The following UNKL variants were observed in gnomAD, a reference collection of about 807,000 sequenced individuals.
UNKL encodes putative E3 ubiquitin-protein ligase UNKL.
UNKL carries 60 observed loss-of-function variants against 78.0 expected under a neutral mutation model. The ratio of observed to expected loss-of-function variants is 0.77; its 90% CI spans 0.63 to 0.95. UNKL has a LOEUF of 0.95. UNKL is among the 40% of genes least tolerant of loss of function. UNKL has a pLI of 0.00. For synonymous variants in UNKL, 608 were observed against 474.8 expected, an observed-to-expected ratio of 1.28 and a Z score of -3.65; for missense variants, 1,159 against 1,045.7, an observed-to-expected ratio of 1.11 and a Z score of -1.49.
chr16:1,398,845 G>C (rs1364186015), intron 5 of UNKL: 4 of 1,567,412 alleles, frequency 2.6e-6, no homozygotes, highest in Non-Finnish European at 3.5e-6. Context: ...CTGGGGCTCA[G>C]GCGGTGGAGG....
rs11319434 is a variant in UNKL at position 1,364,667 on chromosome 16, TG to T, written c.*1572del. The T allele has an allele frequency of 0.92, 140,474 of 152,004 alleles. 65,019 individuals carry two copies. The highest frequency in any genetic ancestry group is 1 in the East Asian group (5,163 of 5,168). The allele number at this position is 152,004 out of a possible 1,614,324, so 9.4% of individuals were successfully genotyped here. A position where few individuals can be genotyped will look rare whatever the true frequency, so the allele number is the denominator to read the frequency against. ...AGGGGACCACAGCAGAGCCGGGACC[TG>T]GGGGGGGTCGCTTCCCCCGTGTGCT... is the stretch of plus-strand genomic sequence containing the variant. On this transcript the variant is annotated 3_prime_UTR_variant, in exon 15 of 15. Transcript: ENST00000389221.
At chr16:1,400,839 C>G (rs1407527838) in intron 4 of UNKL, among the ~76,000 whole-genome samples, 1 of 152,114 alleles carries the variant, frequency 6.6e-6, no homozygotes, top group Admixed American at 6.6e-5. Flanking sequence ...AGGCGCCCAC[C>G]ACCACAACCG....
At chr16:1,385,630 T>C (rs2036784305) in intron 9 of UNKL, among the ~76,000 whole-genome samples, 1 of 152,190 alleles carries the variant, frequency 6.6e-6, no homozygotes, top group Non-Finnish European at 1.5e-5. Flanking sequence ...TCTCGTGAGC[T>C]TTTCTGCAGA....
rs899962968 is a variant in UNKL at position 1,370,264 on chromosome 16, G to A, written c.1451C>T (p.Ser484Leu). The A allele has an allele frequency of 1.5e-5, 23 of 1,534,160 alleles. No individual in the cohort carries two copies. The East Asian group carries it at 2.2e-4, about 15-fold the overall frequency. The stretch of plus-strand genomic sequence containing the variant: ...GGGCTGGGACAGCGAACCGAGCGGC[G>A]AGGTGGACGCAGAGGATGGCGAGTG... ...SLHSPSSAST[S>L]PLGSLSQPLP... The change falls in exon 12 of 15, where the codon TCG (serine) becomes TTG (leucine). Residue 484 changes from serine to leucine, a missense_variant. Coordinates refer to ENST00000389221, the MANE Select transcript of UNKL (RefSeq NM_001372107.1).
intron 9 of UNKL, 83 bp from the exon 10 acceptor site, chr16:1,385,468 G>A (rs564451542): frequency 5.2e-5 from 65 of 1,247,410 alleles, no homozygotes; most frequent in Admixed American, 8.5e-5. Context: ...AGAAAGCACC[G>A]CGGGACGGCG....
At position 1,399,762 on chromosome 16, in the gene UNKL, G is replaced by A. The variant is rs545946605; in HGVS notation, c.599-253C>T. On this transcript the variant is annotated intron_variant, in intron 4 of 14. Transcript: ENST00000389221. The surrounding 1 kb of genome is among the most constrained non-coding windows in gnomAD (Gnocchi z 5.8). Reference sequence around the variant, plus strand: ...CCAGAACTAGGGAACCCACAGAGACGGAGTGGAGCCGAGACCACCAGGGCT... The same window carrying A: ...CCAGAACTAGGGAACCCACAGAGACAGAGTGGAGCCGAGACCACCAGGGCT... 8.5e-5 allele frequency among the ~76,000 whole-genome samples: 13 copies of A among 152,206 alleles called. No homozygotes were observed. The highest frequency in any genetic ancestry group is 1.6e-4 in the Non-Finnish European group (11 of 68,052).
Position 1,363,570 on chromosome 16 carries a change from C to G in UNKL, c.*2670G>C. ...AAGAACATGCAGAGCCGGCCGCCAGCCAGCTCCTACGCCCCGTGCCCGCCA... is the reference window on the plus strand; with the variant it reads ...AAGAACATGCAGAGCCGGCCGCCAGGCAGCTCCTACGCCCCGTGCCCGCCA... On this transcript the variant is annotated 3_prime_UTR_variant, in exon 15 of 15. Transcript: ENST00000389221. The G allele has an allele frequency of 4.4e-6, 1 of 224,844 alleles. No homozygotes were observed. The highest frequency in any genetic ancestry group is 9.1e-6 in the Non-Finnish European group (1 of 110,366). 13.9% of individuals were successfully genotyped at this position (224,844 alleles called of 1,614,324 possible). A position where few individuals can be genotyped will look rare whatever the true frequency, so the allele number is the denominator to read the frequency against.
chr16:1,370,480 G>C, intron 11 of UNKL, 123 bp from the exon 12 acceptor site: 68 of 1,179,118 alleles, frequency 5.8e-5, no homozygotes, highest in South Asian at 7.4e-5. Flanking sequence ...TGGGGGGTGG[G>C]AATATAGGGG....
At chr16:1,406,970 C>T (rs73490024) in intron 2 of UNKL, among the ~76,000 whole-genome samples, 5,793 of 151,836 alleles carry the variant, frequency 0.038, 335 homozygotes, top group African/African-American at 0.13. Flanking sequence ...GAAACCCCAT[C>T]TCTACTAAAA....
At chr16:1,381,599 AAC>A in intron 10 of UNKL, among the ~76,000 whole-genome samples, 1 of 152,300 alleles carries the variant, frequency 6.6e-6, no homozygotes, top group Non-Finnish European at 1.5e-5. Context: ...CAGCCTGCAC[AAC>A]AGAGCAAGAA....
chr16:1,396,419 T>G (rs191209081), intron 6 of UNKL, among the ~76,000 whole-genome samples: 2 of 150,778 alleles, frequency 1.3e-5, no homozygotes, highest in Non-Finnish European at 2.9e-5. Context: ...CCCGAGTAGC[T>G]AGGACTACAG....
chr16:1,393,085 A>G (rs1158839705), intron 7 of UNKL, 109 bp from the exon 8 acceptor site: 27 of 1,180,992 alleles, frequency 2.3e-5, no homozygotes, highest in Non-Finnish European at 3.3e-5. Flanking sequence ...CCTCGTCACA[A>G]TCATCCCTCA....
rs1387466442 is a variant in UNKL, at chr16:1,394,229, T to C, written c.853-14A>G. ...AGATTTGTAGATCTGGGGAAAAAAGTGAAATAAAGAGGTTGGATTGGAAAT... is the reference window on the plus strand; with the variant it reads ...AGATTTGTAGATCTGGGGAAAAAAGCGAAATAAAGAGGTTGGATTGGAAAT... On this transcript the variant is annotated splice_polypyrimidine_tract_variant and intron_variant, in intron 6 of 14. Coordinates refer to ENST00000389221, the MANE Select transcript of UNKL (RefSeq NM_001372107.1). The C allele has an allele frequency of 3.2e-6, 5 of 1,550,018 alleles. No homozygotes were observed. The highest frequency in any genetic ancestry group is 1.4e-5 in the African/African-American group (1 of 72,908).
At chr16:1,372,207 T>C (rs1174809403) in intron 10 of UNKL, among the ~76,000 whole-genome samples, 1 of 151,744 alleles carries the variant, frequency 6.6e-6, no homozygotes, top group Non-Finnish European at 1.5e-5. Context: ...GAGCTTGCAG[T>C]GAGCCGAGAT....
intron 10 of UNKL, among the ~76,000 whole-genome samples, chr16:1,380,706 G>A (rs546387246): frequency 9.6e-4 from 108 of 113,036 alleles, no homozygotes; most frequent in African/African-American, 4.3e-3. Flanking sequence ...AACAAGTCTC[G>A]CTCTGTCACC....
chr16:1,379,869 C>T (rs1164713261), intron 10 of UNKL, among the ~76,000 whole-genome samples: 2 of 152,288 alleles, frequency 1.3e-5, no homozygotes, highest in African/African-American at 4.8e-5. Context: ...CAGCGGGGGC[C>T]AGAGGTCTTC....
At chr16:1,372,600 G>A (rs2035948011) in intron 10 of UNKL, among the ~76,000 whole-genome samples, 1 of 152,194 alleles carries the variant, frequency 6.6e-6, no homozygotes. Flanking sequence ...ACCAGCCCCT[G>A]AAGCCACAGC....
chr16:1,394,425 A>AC, intron 6 of UNKL: 1 of 699,196 alleles, frequency 1.4e-6, no homozygotes, highest in Non-Finnish European at 2.6e-6. Context: ...GAACACGCAC[A>AC]CATGTGGGGC....
intron 12 of UNKL, among the ~76,000 whole-genome samples, chr16:1,369,083 T>TTGA (rs2035562133): frequency 1.4e-5 from 1 of 72,378 alleles, no homozygotes; most frequent in African/African-American, 6.1e-5. Context: ...TTTTTTTTTT[T>TTGA]GAAATGGAGT....
Sources: gnomAD v4.1 joint callset for allele counts (sites outside exome capture counted in the v4.1 genomes callset) on GRCh38, gnomAD v4.1.1 for gene constraint, Gnocchi (gnomAD v3.1) non-coding constraint, MANE v1.5 for transcripts, NCBI Gene and HGNC (gene_info 2026-07-23, HGNC 2026-07-21) for gene names.